The following SGCD variants were observed in gnomAD, a reference collection of about 807,000 sequenced individuals.
The protein encoded by SGCD is sarcoglycan delta, also known as delta-sarcoglycan.
In SGCD, 18 loss-of-function variants were observed where a neutral mutation model predicts 36.6. That is an observed-to-expected ratio of 0.49 (90% CI 0.34 to 0.73). The LOEUF is 0.73. Among genes scored for constraint, SGCD ranks in the 30% least tolerant of loss-of-function variants. SGCD has a pLI of 0.01. For synonymous variants in SGCD, 133 were observed against 130.6 expected (o/e 1.02, Z -0.12); for missense variants, 387 against 346.7 (o/e 1.12, Z -0.92).
the SGCD span, among the ~76,000 whole-genome samples, chr5:155,766,039 G>T: frequency 6.6e-6 from 1 of 152,118 alleles, no homozygotes; most frequent in Admixed American, 6.5e-5. Context: ...CCATCAGGGT[G>T]AGGGGACTTG....
intron 3 of SGCD, among the ~76,000 whole-genome samples, chr5:156,193,256 C>T (rs1047781033): frequency 3.3e-5 from 5 of 152,064 alleles, no homozygotes; most frequent in African/African-American, 7.2e-5. Flanking sequence ...ACTGTTGTTC[C>T]GACCCTGCTT....
chr5:156,211,505 G>A (rs1189945309), intron 3 of SGCD, among the ~76,000 whole-genome samples: 1 of 151,964 alleles, frequency 6.6e-6, no homozygotes, highest in Non-Finnish European at 1.5e-5. Context: ...CTACTCGGGA[G>A]GCTGAGGCAG....
intron 8 of SGCD, among the ~76,000 whole-genome samples, chr5:156,758,747 A>G (rs1157414466): frequency 6.6e-6 from 1 of 152,046 alleles, no homozygotes. Context: ...GTTTTTCTCA[A>G]AGTATATTCT....
chr5:155,834,693 G>A, the SGCD span, among the ~76,000 whole-genome samples: 8 of 152,094 alleles, frequency 5.3e-5, no homozygotes, highest in East Asian at 7.7e-4. Flanking sequence ...TTTCTTCTTC[G>A]TGACAAGAAA....
At chr5:156,643,024 GT>G (rs201396237) in intron 6 of SGCD, among the ~76,000 whole-genome samples, 103 of 111,186 alleles carry the variant, frequency 9.3e-4, no homozygotes, top group African/African-American at 2.6e-3. Context: ...GGGGTTTTTT[GT>G]TTTTTTTTTT....
intron 7 of SGCD, among the ~76,000 whole-genome samples, chr5:156,699,201 C>T (rs1754435891): frequency 6.6e-6 from 1 of 152,126 alleles, no homozygotes; most frequent in Admixed American, 6.5e-5. Context: ...TGTCTAGACA[C>T]AGACAGGATT....
At chr5:155,730,445 C>CTGTGTGTGTGTGTGTGTGTGTGTG in the SGCD span, among the ~76,000 whole-genome samples, 3,472 of 137,122 alleles carry the variant, frequency 0.025, 106 homozygotes, top group Non-Finnish European at 0.03. Flanking sequence ...GGTAGAGCAG[C>CTGTGTGTGTGTGTGTGTGTGTGTG]TGTGTGTGTG....
At chr5:156,292,302 C>T (rs145849678) in intron 3 of SGCD, among the ~76,000 whole-genome samples, 3 of 152,116 alleles carry the variant, frequency 2.0e-5, no homozygotes, top group Non-Finnish European at 4.4e-5. Flanking sequence ...CAGGCCCTGG[C>T]AACCATCATT....
At chr5:156,613,135 G>C (rs1761892493) in intron 6 of SGCD, among the ~76,000 whole-genome samples, 1 of 152,160 alleles carries the variant, frequency 6.6e-6, no homozygotes, top group African/African-American at 2.4e-5. Flanking sequence ...CACTGCCCTA[G>C]TGATCTCCAT....
chr5:156,610,893 G>A (rs1761769528), intron 6 of SGCD, among the ~76,000 whole-genome samples: 1 of 152,242 alleles, frequency 6.6e-6, no homozygotes, highest in South Asian at 2.1e-4. Context: ...CGTTGGGAAA[G>A]CGCAGTATTA....
At chr5:156,256,947 G>C (rs913456253) in intron 3 of SGCD, among the ~76,000 whole-genome samples, 1 of 152,144 alleles carries the variant, frequency 6.6e-6, no homozygotes, top group African/African-American at 2.4e-5. Context: ...GGAAGGCTGA[G>C]CCAGGGTGAT....
chr5:156,455,790 A>G (rs948541667), intron 3 of SGCD, among the ~76,000 whole-genome samples: 1 of 152,214 alleles, frequency 6.6e-6, no homozygotes, highest in African/African-American at 2.4e-5. Flanking sequence ...GAATCTTTGC[A>G]GATATAATCA....
intron 3 of SGCD, among the ~76,000 whole-genome samples, chr5:156,129,326 A>G (rs900924582): frequency 1.3e-5 from 2 of 152,180 alleles, no homozygotes; most frequent in African/African-American, 4.8e-5. Context: ...TAATGTACAG[A>G]TGTAGAAACT....
At chr5:155,943,108 G>T (rs1036922635) in intron 1 of SGCD, among the ~76,000 whole-genome samples, 2 of 152,286 alleles carry the variant, frequency 1.3e-5, no homozygotes, top group Admixed American at 6.5e-5. Flanking sequence ...TTCCATAGAG[G>T]TTAGGAGCTC....
At chr5:156,458,682 A>G (rs1278899609) in intron 3 of SGCD, among the ~76,000 whole-genome samples, 1 of 152,248 alleles carries the variant, frequency 6.6e-6, no homozygotes, top group East Asian at 1.9e-4. Context: ...TGTTAAGGAT[A>G]AACACAAGTT....
intron 1 of SGCD, among the ~76,000 whole-genome samples, chr5:155,944,451 G>A (rs992701309): frequency 6.6e-6 from 1 of 152,024 alleles, no homozygotes; most frequent in African/African-American, 2.4e-5. Context: ...CTGTTCTCTA[G>A]CTTTTAAAAG....
chr5:156,596,013 T>C (rs1387351889), intron 6 of SGCD, among the ~76,000 whole-genome samples: 1 of 152,174 alleles, frequency 6.6e-6, no homozygotes, highest in East Asian at 1.9e-4. Context: ...ACTAGTTTTG[T>C]GACTTTGGGC....
At chr5:156,123,928 C>T (rs535021085) in exon 3 of SGCD, 30 of 152,206 alleles carry the variant, frequency 2.0e-4, no homozygotes, top group African/African-American at 6.3e-4. Context: ...CTGAGACAAC[C>T]GTCCCTTTTG....
intron 3 of SGCD, among the ~76,000 whole-genome samples, chr5:156,253,003 A>C (rs570438565): frequency 6.6e-6 from 1 of 152,214 alleles, no homozygotes; most frequent in Non-Finnish European, 1.5e-5. Context: ...CTAATTTTTC[A>C]CATATGTCTT....
Sources: gnomAD v4.1 joint callset for allele counts (sites outside exome capture counted in the v4.1 genomes callset) on GRCh38, gnomAD v4.1.1 for gene constraint, MANE v1.5 for transcripts, NCBI Gene and HGNC (gene_info 2026-07-23, HGNC 2026-07-21) for gene names.